RGS10: variants seen among roughly 807,000 people sequenced by gnomAD.
The protein encoded by RGS10 is regulator of G-protein signalling 10.
In RGS10, 11 loss-of-function variants were observed where a neutral mutation model predicts 23.5. The ratio of observed to expected loss-of-function variants is 0.47; its 90% CI spans 0.29 to 0.77. The LOEUF is 0.77. Ranked by LOEUF, RGS10 falls within the 30% of genes least tolerant of loss-of-function variation. The pLI is 0.08. For missense variants in RGS10, 180 were observed against 226.3 expected (o/e 0.80, Z 1.31); for synonymous variants, 77 against 83.2 (o/e 0.92, Z 0.41).
Position 119,512,336 on chromosome 10 carries a change from C to A in RGS10, c.399+3173G>T, listed in dbSNP as rs1051003746. Among the ~76,000 whole-genome samples the A allele has an allele frequency of 2.0e-5, 3 of 152,146 alleles. No individual in the cohort carries two copies. In the East Asian group the frequency reaches 5.8e-4, roughly 29 times the overall value. On this transcript the variant is annotated intron_variant, in intron 4 of 4. Transcript: ENST00000369103. ...TAGGAAAACAGAGCTCTCGAGGGAG[C>A]CTTTGCAAGAAAAAAACCGGGGCTA...
rs1293273446 is a variant in RGS10, at chr10:119,524,341, T to C, written c.255+1691A>G. Among the ~76,000 whole-genome samples the C allele has an allele frequency of 6.6e-6, 1 of 152,188 alleles. No individual in the cohort carries two copies. Among genetic ancestry groups the C allele is most frequent in the Non-Finnish European group, 1.5e-5 (1 of 68,032 alleles). ...CAACGGGTGACTTCAGGGAGCTAGT[T>C]CAAGTCCTAGCTCTGCCACGGTGCG... On this transcript the variant is annotated intron_variant, in intron 3 of 4. Transcript: ENST00000369103. This position sits in a 1 kb window ranked among gnomAD's most constrained non-coding sequence, Gnocchi z 5.2.
chr10:119,514,213 C>T lies in RGS10; in HGVS notation c.399+1296G>A, dbSNP rs552003095. On this transcript the variant is annotated intron_variant, in intron 4 of 4. Transcript: ENST00000369103. ...TCTACTAAAAATACAAAAAATTAGCCGGGCGTGGTGGTGTAGGCCTGTAAT... is the reference window on the plus strand; with the variant it reads ...TCTACTAAAAATACAAAAAATTAGCTGGGCGTGGTGGTGTAGGCCTGTAAT... 2.4e-3 allele frequency among the ~76,000 whole-genome samples: 360 copies of T among 151,968 alleles called. 1 individual carries two copies. The highest frequency in any genetic ancestry group is 8.3e-3 in the African/African-American group (343 of 41,466).
intron 3 of RGS10, among the ~76,000 whole-genome samples, chr10:119,520,827 T>TAAAAAAAAAAAAAAAAGG (rs1844204488): frequency 7.7e-6 from 1 of 129,548 alleles, no homozygotes; most frequent in African/African-American, 3.0e-5. Flanking sequence ...AAAAAAAAAT[T>TAAAAAAAAAAAAAAAAGG]AAAAAATAGG....
Position 119,526,102 on chromosome 10 carries a change from T to C in RGS10, c.185A>G (p.Glu62Gly). 6.4e-7 allele frequency: 1 copy of C among 1,562,558 alleles called. No homozygotes were observed. Among genetic ancestry groups the C allele is most frequent in the Non-Finnish European group, 8.7e-7 (1 of 1,147,110 alleles). ...VKRFREFLKK[E>G]FSEENVLFWL... ...AAACAAAACATTTTCTTCACTGAATTCCTTTTTTAAAAATTCCTGTGGATA... is the reference window on the plus strand; with the variant it reads ...AAACAAAACATTTTCTTCACTGAATCCCTTTTTTAAAAATTCCTGTGGATA... Residue 62 changes from glutamate (E) to glycine (G), a missense_variant, in exon 3 of 5, where the codon GAA becomes GGA. Transcript: ENST00000369103.
chr10:119,510,846 G>C (rs1844068736), intron 4 of RGS10, among the ~76,000 whole-genome samples: 1 of 152,080 alleles, frequency 6.6e-6, no homozygotes, highest in Non-Finnish European at 1.5e-5. Context: ...AGCCTCCCGA[G>C]TAGCTGGGAC....
At chr10:119,504,725 T>A (rs1776548604) in intron 4 of RGS10, among the ~76,000 whole-genome samples, 1 of 151,974 alleles carries the variant, frequency 6.6e-6, no homozygotes, top group Admixed American at 6.6e-5. Context: ...GAAGAAGGCG[T>A]GTGAAGGCAG....
rs575603673 is a variant in RGS10, at chr10:119,508,219, C to T, written c.399+7290G>A. 7.2e-5 allele frequency among the ~76,000 whole-genome samples: 11 copies of T among 152,250 alleles called. 1 individual carries two copies. The East Asian group carries it at 1.7e-3, about 24-fold the overall frequency. On this transcript the variant is annotated intron_variant, in intron 4 of 4. Transcript: ENST00000369103. ...TTCACCATGTTGGCCAGGCTAGTCT[C>T]GAACTCCTGAACTCAGCTAATCCAC...
intron 1 of RGS10, among the ~76,000 whole-genome samples, chr10:119,536,187 G>C (rs979322324): frequency 1.3e-5 from 2 of 152,182 alleles, no homozygotes; most frequent in African/African-American, 4.8e-5. Context: ...AACATCAAAA[G>C]TGAAAAAAGT....
chr10:119,531,048 G>T (rs1844325547), intron 1 of RGS10, among the ~76,000 whole-genome samples: 1 of 152,190 alleles, frequency 6.6e-6, no homozygotes, highest in African/African-American at 2.4e-5. Context: ...TGTAAATGCT[G>T]CAGTGGCAAG....
chr10:119,509,600 T>C (rs1844054110), intron 4 of RGS10, among the ~76,000 whole-genome samples: 1 of 151,898 alleles, frequency 6.6e-6, no homozygotes, highest in Non-Finnish European at 1.5e-5. Context: ...CAAAAATATA[T>C]ATATAAATAA....
chr10:119,519,167 T>C (rs1368433617), intron 3 of RGS10, among the ~76,000 whole-genome samples: 1 of 152,186 alleles, frequency 6.6e-6, no homozygotes, highest in Non-Finnish European at 1.5e-5. Flanking sequence ...GACCTTCCTC[T>C]GGAGTGAGCT....
intron 1 of RGS10, among the ~76,000 whole-genome samples, chr10:119,528,455 A>G (rs2133957465): frequency 6.6e-6 from 1 of 152,302 alleles, no homozygotes; most frequent in East Asian, 1.9e-4. Flanking sequence ...TCAGAGTCCA[A>G]TATGGCTCAG....
At chr10:119,510,523 T>C (rs1844064563) in intron 4 of RGS10, among the ~76,000 whole-genome samples, 1 of 152,178 alleles carries the variant, frequency 6.6e-6, no homozygotes, top group African/African-American at 2.4e-5. Flanking sequence ...CATTTCCTTC[T>C]TAGCATTGAT....
intron 1 of RGS10, among the ~76,000 whole-genome samples, chr10:119,537,018 G>A (rs1439134697): frequency 6.6e-6 from 1 of 152,178 alleles, no homozygotes; most frequent in Non-Finnish European, 1.5e-5. Context: ...ATTTTATAGT[G>A]ATAAACATTT....
intron 4 of RGS10, among the ~76,000 whole-genome samples, chr10:119,502,144 C>A (rs3009906): frequency 0.15 from 23,155 of 151,014 alleles, 2,268 homozygotes; most frequent in East Asian, 0.37. Flanking sequence ...AAAAAAAAAA[C>A]AAACTTTTTT....
chr10:119,526,914 C>A (rs1039890369), intron 2 of RGS10, among the ~76,000 whole-genome samples: 1 of 152,054 alleles, frequency 6.6e-6, no homozygotes, highest in African/African-American at 2.4e-5. Context: ...GTTCTCATTG[C>A]CAGCCTCTCT....
intron 1 of RGS10, among the ~76,000 whole-genome samples, chr10:119,539,001 G>C (rs1475086615): frequency 1.3e-5 from 2 of 152,172 alleles, no homozygotes; most frequent in Non-Finnish European, 1.5e-5. Context: ...ATGAAGAAAG[G>C]AGACATCACA....
chr10:119,529,158 A>G (rs1281366142), intron 1 of RGS10, among the ~76,000 whole-genome samples: 1 of 152,150 alleles, frequency 6.6e-6, no homozygotes, highest in African/African-American at 2.4e-5. Flanking sequence ...GCCAGGTTCA[A>G]AACCCAGTTT....
intron 1 of RGS10, among the ~76,000 whole-genome samples, chr10:119,540,031 G>A (rs971106922): frequency 6.6e-6 from 1 of 151,932 alleles, no homozygotes; most frequent in Non-Finnish European, 1.5e-5. Context: ...TCGGCCCACA[G>A]GCCCAAATGA....
Sources: allele counts gnomAD v4.1 joint callset (sites outside exome capture counted in the v4.1 genomes callset), GRCh38; gene constraint gnomAD v4.1.1; non-coding constraint Gnocchi (gnomAD v3.1); transcripts MANE v1.5; gene names NCBI Gene and HGNC (gene_info 2026-07-23, HGNC 2026-07-21).